Variants in SYTL5 observed in about 807,000 individuals in gnomAD.
SYTL5 encodes the protein synaptotagmin-like protein 5.
In SYTL5, 34 loss-of-function variants were observed where a neutral mutation model predicts 55.9. That is an observed-to-expected ratio of 0.61 (90% CI 0.46 to 0.81). The LOEUF (loss-of-function observed/expected upper bound fraction) is 0.81. Ranked by LOEUF, SYTL5 falls within the 30% of genes least tolerant of loss-of-function variation. The probability of loss-of-function intolerance (pLI) is 0.00; values close to 1 mark genes in which losing one functional copy is unlikely to be tolerated. For synonymous variants in SYTL5, 221 were observed against 188.7 expected (o/e 1.17, Z -1.40); for missense variants, 637 against 546.7 (o/e 1.17, Z -1.65).
chrX:37,967,524 T>C, the SYTL5 span, among the ~76,000 whole-genome samples: 5 of 112,008 alleles, frequency 4.5e-5, no homozygotes, highest in Middle Eastern at 4.7e-3. Context: ...TTATAATATA[T>C]CTTAGTGTAG....
chrX:38,064,594 T>C (rs1364285923), intron 3 of SYTL5, among the ~76,000 whole-genome samples: 2 of 111,299 alleles, frequency 1.8e-5, no homozygotes, highest in Admixed American at 1.9e-4. Context: ...TAAATATGTT[T>C]TTGCTTTGAA....
chrX:38,063,733 G>T (rs1056303993), intron 3 of SYTL5, among the ~76,000 whole-genome samples: 9 of 111,653 alleles, frequency 8.1e-5, no homozygotes, highest in African/African-American at 2.6e-4. Flanking sequence ...ATCCATGTTC[G>T]TGTGAATAAC....
the SYTL5 span, among the ~76,000 whole-genome samples, chrX:37,948,040 T>C: frequency 8.9e-6 from 1 of 111,965 alleles, no homozygotes; most frequent in Non-Finnish European, 1.9e-5. Context: ...ATCTTCTTCA[T>C]AGCTTCATTG....
chrX:38,085,919 T>A (rs1471902913), intron 6 of SYTL5, among the ~76,000 whole-genome samples: 1 of 111,309 alleles, frequency 9.0e-6, no homozygotes, highest in African/African-American at 3.3e-5. Context: ...AACATGGTGC[T>A]GTGCTGAACC....
At chrX:37,945,365 G>A in the SYTL5 span, among the ~76,000 whole-genome samples, 3 of 111,482 alleles carry the variant, frequency 2.7e-5, no homozygotes, top group African/African-American at 9.8e-5. Flanking sequence ...TTGTATTCCT[G>A]GAAATAATCA....
At position 38,034,003 on chromosome X, in the gene SYTL5, A is replaced by T. The variant is rs757079976; in HGVS notation, c.114A>T (p.Arg38Ser). The T allele has an allele frequency of 9.0e-7, 1 of 1,108,610 alleles. No individual in the cohort carries two copies. Among genetic ancestry groups the T allele is most frequent in the Non-Finnish European group, 1.2e-6 (1 of 811,766 alleles). 91.4% of individuals were successfully genotyped at this position (1,108,610 alleles called of 1,213,427 possible). A position where few individuals can be genotyped will look rare whatever the true frequency, so the allele number is the denominator to read the frequency against. Residue 38 changes from arginine (R) to serine (S), a missense_variant, in exon 2 of 17, where the codon AGA (arginine) becomes AGT (serine). Physicochemically the swap from Arg to Ser is moderately radical, Grantham distance 110. Transcript: ENST00000297875. ...ATTTGAAAAAAGTGGAGGACAAGAG[A>T]ATAAGGTAGTATTCTTTTTATTTTT... ...DEYLKKVEDK[R>S]IRKLKNELLE...
the SYTL5 span, among the ~76,000 whole-genome samples, chrX:37,921,893 T>A: frequency 8.9e-6 from 1 of 111,958 alleles, no homozygotes; most frequent in East Asian, 2.8e-4. Flanking sequence ...GTTTCTTTTG[T>A]TAATGAAAGG....
the SYTL5 span, among the ~76,000 whole-genome samples, chrX:37,905,048 T>C: frequency 1.8e-5 from 2 of 110,978 alleles, no homozygotes; most frequent in Non-Finnish European, 3.8e-5. Flanking sequence ...AGAATTCCCA[T>C]GCCATGTTTG....
intron 1 of SYTL5, among the ~76,000 whole-genome samples, chrX:38,027,493 C>T (rs975021742): frequency 4.5e-5 from 5 of 111,447 alleles, no homozygotes; most frequent in East Asian, 5.6e-4. Flanking sequence ...AGGAAAAAAA[C>T]GACAACAACA....
intron 6 of SYTL5, among the ~76,000 whole-genome samples, chrX:38,078,418 G>A (rs961220839): frequency 9.1e-6 from 1 of 109,875 alleles, no homozygotes; most frequent in Non-Finnish European, 1.9e-5. Flanking sequence ...CCACCACCAC[G>A]CCCAGCTAAT....
At chrX:38,058,683 G>A (rs187963629) in intron 3 of SYTL5, among the ~76,000 whole-genome samples, 1 of 110,898 alleles carries the variant, frequency 9.0e-6, no homozygotes, top group Admixed American at 9.6e-5. Flanking sequence ...GTATATTATT[G>A]TTCCTTTGAA....
chrX:38,017,079 G>T (rs187897272), intron 1 of SYTL5, among the ~76,000 whole-genome samples: 19 of 111,030 alleles, frequency 1.7e-4, no homozygotes, highest in African/African-American at 5.9e-4. Flanking sequence ...CAATTTTGTT[G>T]TTGTTGTTGT....
chrX:38,113,319 C>T (rs1937404443), intron 13 of SYTL5, among the ~76,000 whole-genome samples: 1 of 112,417 alleles, frequency 8.9e-6, no homozygotes. Flanking sequence ...CAACAGCAAG[C>T]TTACGTGGTT....
intron 3 of SYTL5, among the ~76,000 whole-genome samples, chrX:38,063,183 G>A (rs1294524512): frequency 9.0e-6 from 1 of 110,656 alleles, no homozygotes; most frequent in Non-Finnish European, 1.9e-5. Flanking sequence ...AGTGAGTATT[G>A]GTAATTGCCA....
chrX:38,106,547 T>C, intron 10 of SYTL5, 46 bp from the exon 11 acceptor site: 1 of 1,065,949 alleles, frequency 9.4e-7, no homozygotes, highest in Non-Finnish European at 1.3e-6. Flanking sequence ...TGTGAAGAGA[T>C]CATTAGAATG....
intron 13 of SYTL5, among the ~76,000 whole-genome samples, chrX:38,112,242 C>G (rs1183048162): frequency 9.0e-6 from 1 of 111,540 alleles, no homozygotes; most frequent in African/African-American, 3.3e-5. Flanking sequence ...CCTATGTAAG[C>G]AGAGAGCCAG....
At chrX:37,950,098 G>A in the SYTL5 span, among the ~76,000 whole-genome samples, 11 of 111,578 alleles carry the variant, frequency 9.9e-5, no homozygotes, top group Non-Finnish European at 1.9e-5. Flanking sequence ...AAATCTTTGA[G>A]GAATGCCATC....
chrX:38,037,746 G>A (rs775585822), intron 2 of SYTL5, among the ~76,000 whole-genome samples: 1 of 110,589 alleles, frequency 9.0e-6, no homozygotes, highest in Non-Finnish European at 1.9e-5. Flanking sequence ...TAACTTTAGC[G>A]CAGTGGGTCT....
the SYTL5 span, among the ~76,000 whole-genome samples, chrX:37,892,452 T>C: frequency 9.8e-6 from 1 of 102,288 alleles, no homozygotes; most frequent in East Asian, 2.9e-4. Context: ...AATAACACCT[T>C]TGACATATAC....
Sources: allele counts gnomAD v4.1 joint callset (sites outside exome capture counted in the v4.1 genomes callset), GRCh38; gene constraint gnomAD v4.1.1; transcripts MANE v1.5; gene names NCBI Gene and HGNC (gene_info 2026-07-23, HGNC 2026-07-21).